CCDC38: variants seen among roughly 807,000 people sequenced by gnomAD.
CCDC38 encodes coiled-coil domain-containing protein 38.
Under a neutral mutation model 72.8 loss-of-function variants are expected in CCDC38, and 69 were observed. That is an observed-to-expected ratio of 0.95 (90% CI 0.78 to 1.16). CCDC38 has a LOEUF of 1.16. CCDC38 is among the 50% of genes most tolerant of loss of function. The probability of loss-of-function intolerance (pLI) is 0.00; values close to 1 mark genes in which losing one functional copy is unlikely to be tolerated. For missense variants in CCDC38, 626 were observed against 638.9 expected, an observed-to-expected ratio of 0.98 and a Z score of 0.22; for synonymous variants, 201 against 213.2, an observed-to-expected ratio of 0.94 and a Z score of 0.50.
At chr12:95,927,792 T>C (rs1465642034) in intron 2 of CCDC38, among the ~76,000 whole-genome samples, 1 of 150,470 alleles carries the variant, frequency 6.6e-6, no homozygotes, top group Non-Finnish European at 1.5e-5. Context: ...TCTCCTTCAC[T>C]TACGAAGCTT....
rs1479640127 is a variant in CCDC38 at position 95,879,909 on chromosome 12, G to A, written c.991-114C>T. ...GGAAGACAGTTCTAAGGATGAGGGAGACACAGGTAGGAACTTGTATGGGAA... is the reference window on the plus strand; with the variant it reads ...GGAAGACAGTTCTAAGGATGAGGGAAACACAGGTAGGAACTTGTATGGGAA... On this transcript the variant is annotated intron_variant, in intron 11 of 15. Coordinates refer to ENST00000344280, the MANE Select transcript of CCDC38 (RefSeq NM_182496.3). This position sits in a 1 kb window ranked among gnomAD's most constrained non-coding sequence, Gnocchi z 5.5. 1 of 718,588 alleles carries A rather than the reference G, an allele frequency of 1.4e-6. No individual in the cohort carries two copies. The highest frequency in any genetic ancestry group is 2.7e-5 in the South Asian group (1 of 36,974). 44.5% of individuals were successfully genotyped at this position (718,588 alleles called of 1,614,324 possible).
chr12:95,934,451 G>T (rs753253255), intron 2 of CCDC38: 1 of 152,074 alleles, frequency 6.6e-6, no homozygotes. Context: ...TAATAAAGTC[G>T]TTTGTCTCTG....
rs147823377 is a variant in CCDC38 at position 95,872,386 on chromosome 12, G to A, written c.1353C>T (p.Asp451=). ...YKVCIGDAED[D]GLNPIQKLVK... is the part of the protein sequence containing the mutation. Reference sequence around the variant, plus strand: ...CCAGCTTTTGAATTGGGTTGAGGCCGTCATCCTCAGCATCTCCAATGCAGA... The same window carrying A: ...CCAGCTTTTGAATTGGGTTGAGGCCATCATCCTCAGCATCTCCAATGCAGA... Residue 451 remains aspartate (D), a synonymous_variant, in exon 14 of 16, where the codon GAC becomes GAT. Coordinates refer to ENST00000344280, the MANE Select transcript of CCDC38 (RefSeq NM_182496.3). 257 of 1,613,910 alleles carry A rather than the reference G, an allele frequency of 1.6e-4. No homozygotes were observed. The highest frequency in any genetic ancestry group is 2.0e-4 in the Non-Finnish European group (233 of 1,179,972).
chr12:95,888,483 G>T lies in CCDC38; in HGVS notation c.895C>A (p.Arg299Ser), dbSNP rs138378399. 19 of 1,613,918 alleles carry T rather than the reference G, an allele frequency of 1.2e-5. No individual in the cohort carries two copies. In the African/African-American group the frequency reaches 2.4e-4, roughly 20 times the overall value. ...SQGKPSRSLTRTPEKKKSNLA... is the reference protein window; with the variant it reads ...SQGKPSRSLTSTPEKKKSNLA... ...TTTGATTTCTTTTTCTCTGGAGTGCGAGTCAGGCTTCTGCTTGGCTTTCCT... is the reference window on the plus strand; with the variant it reads ...TTTGATTTCTTTTTCTCTGGAGTGCTAGTCAGGCTTCTGCTTGGCTTTCCT... The change falls in exon 10 of 16, where the codon CGC (arginine) becomes AGC (serine). Residue 299 changes from arginine to serine, a missense_variant. Physicochemically the swap from Arg to Ser is moderately radical, Grantham distance 110 (BLOSUM62 -1). Transcript: ENST00000344280.
At chr12:95,940,531 A>G (rs1441623549) in intron 1 of CCDC38, among the ~76,000 whole-genome samples, 5 of 152,240 alleles carry the variant, frequency 3.3e-5, no homozygotes, top group African/African-American at 4.8e-5. Context: ...CTTCACATGC[A>G]TATGAGGATT....
At chr12:95,925,661 A>G (rs369165162) in intron 2 of CCDC38, among the ~76,000 whole-genome samples, 160 of 152,200 alleles carry the variant, frequency 1.1e-3, no homozygotes, top group African/African-American at 3.7e-3. Context: ...CATTCAGTAT[A>G]ATATTGGCTG....
chr12:95,920,905 G>GATAACCTGAGGTCGGTGA (rs1448659498), intron 2 of CCDC38, among the ~76,000 whole-genome samples: 2 of 152,100 alleles, frequency 1.3e-5, no homozygotes, highest in East Asian at 3.9e-4. Flanking sequence ...GAGGTGGGTG[G>GATAACCTGAGGTCGGTGA]ATAACCTGAG....
chr12:95,900,332 C>A (rs1428552626), intron 5 of CCDC38, among the ~76,000 whole-genome samples: 1 of 152,132 alleles, frequency 6.6e-6, no homozygotes, highest in African/African-American at 2.4e-5. Context: ...TGTCTAAAAT[C>A]CTGAAAATCA....
chr12:95,873,712 G>A (rs911535795), intron 13 of CCDC38, among the ~76,000 whole-genome samples: 1 of 152,156 alleles, frequency 6.6e-6, no homozygotes, highest in Non-Finnish European at 1.5e-5. Context: ...TCACCATAAA[G>A]CCAGCGACAA....
At position 95,881,486 on chromosome 12, in the gene CCDC38, A is replaced by C; in HGVS notation, c.989T>G (p.Leu330Trp). The C allele has an allele frequency of 6.2e-7, 1 of 1,607,006 alleles. No homozygotes were observed. Among genetic ancestry groups the C allele is most frequent in the South Asian group, 1.1e-5 (1 of 90,002 alleles). Reference protein sequence around the residue: ...FLLDDEMDVDLEPALYFKEPE... With the variant: ...FLLDDEMDVDWEPALYFKEPE... ...AACTAGCAAATATAATCTGGTTACC[A>C]AATCAACGTCCATTTCATCATCTAA... The change falls in exon 11 of 16, where the codon TTG (leucine) becomes TGG (tryptophan). Residue 330 changes from leucine to tryptophan, a missense_variant and splice_region_variant. Leu to Trp is a moderately conservative substitution (Grantham distance 61). Coordinates refer to ENST00000344280, the MANE Select transcript of CCDC38 (RefSeq NM_182496.3).
chr12:95,897,120 C>T (rs1455352324), intron 7 of CCDC38, among the ~76,000 whole-genome samples: 4 of 152,126 alleles, frequency 2.6e-5, no homozygotes, highest in Non-Finnish European at 5.9e-5. Flanking sequence ...GAGAAACCAA[C>T]TCTGCTTTAT....
chr12:95,938,924 T>C (rs1592814099), intron 1 of CCDC38, among the ~76,000 whole-genome samples: 1 of 152,124 alleles, frequency 6.6e-6, no homozygotes. Context: ...TTCCAATAGA[T>C]GAAAAAGATC....
chr12:95,934,724 C>T (rs547423969), intron 2 of CCDC38: 2 of 148,314 alleles, frequency 1.3e-5, no homozygotes, highest in African/African-American at 5.0e-5. Context: ...AACTAAATAA[C>T]TAGGCTGGGT....
chr12:95,891,513 T>C (rs2079826943), intron 8 of CCDC38, among the ~76,000 whole-genome samples: 1 of 151,952 alleles, frequency 6.6e-6, no homozygotes, highest in East Asian at 1.9e-4. Context: ...GCCTGGCTAA[T>C]TTTTGTATTT....
intron 13 of CCDC38, among the ~76,000 whole-genome samples, chr12:95,875,154 G>A (rs1341339730): frequency 6.7e-6 from 1 of 150,118 alleles, no homozygotes; most frequent in Non-Finnish European, 1.5e-5. Context: ...AACAGAGTTC[G>A]AAAACAGGAA....
intron 7 of CCDC38, among the ~76,000 whole-genome samples, chr12:95,895,912 C>T (rs113895139): frequency 6.6e-6 from 1 of 151,702 alleles, no homozygotes; most frequent in African/African-American, 2.4e-5. Context: ...AAAAATTAGC[C>T]AGGCGTGGTG....
chr12:95,898,474 C>T lies in CCDC38; in HGVS notation c.534-9G>A, dbSNP rs747145408. ...TTGTTTCCTGTGCTGCCCTGAAAAG[C>T]AATGAAGATCTGTTAATTTGCTTCT... On this transcript the variant is annotated splice_polypyrimidine_tract_variant and intron_variant, in intron 6 of 15. Transcript: ENST00000344280. 2 of 1,613,942 alleles carry T rather than the reference C, an allele frequency of 1.2e-6. No homozygotes were observed. Among genetic ancestry groups the T allele is most frequent in the South Asian group, 1.1e-5 (1 of 91,074 alleles).
intron 2 of CCDC38, among the ~76,000 whole-genome samples, chr12:95,929,813 G>A (rs2080317544): frequency 6.6e-6 from 1 of 152,104 alleles, no homozygotes; most frequent in African/African-American, 2.4e-5. Flanking sequence ...CCATTCTGGA[G>A]GTCAGATATC....
chr12:95,867,245 T>A, intron 15 of CCDC38, 56 bp from the exon 16 acceptor site: 1 of 926,646 alleles, frequency 1.1e-6, no homozygotes, highest in Non-Finnish European at 1.7e-6. Flanking sequence ...CCATTTTCTA[T>A]TGAAATTTGT....
Sources: gnomAD v4.1 joint callset for allele counts (sites outside exome capture counted in the v4.1 genomes callset) on GRCh38, gnomAD v4.1.1 for gene constraint, Gnocchi (gnomAD v3.1) non-coding constraint, MANE v1.5 for transcripts, NCBI Gene and HGNC (gene_info 2026-07-23, HGNC 2026-07-21) for gene names.